NEGR1: variants seen among roughly 807,000 people sequenced by gnomAD.
The protein encoded by NEGR1 is neuronal growth regulator 1.
Under a neutral mutation model 40.9 loss-of-function variants are expected in NEGR1, and 10 were observed. The ratio of observed to expected loss-of-function variants is 0.24; its 90% confidence interval spans 0.15 to 0.42. The LOEUF is 0.42. Among genes scored for constraint, NEGR1 ranks in the 10% least tolerant of loss-of-function variants. The pLI is 1.00. For missense variants in NEGR1, 352 were observed against 438.9 expected (o/e 0.80, Z 1.77); for synonymous variants, 185 against 166.8 (o/e 1.11, Z -0.84).
In NEGR1 at chr1:72,012,801, G is replaced by T. The variant is rs1293719513; in HGVS notation, c.177-77490C>A. 2.1e-5 allele frequency among the ~76,000 whole-genome samples: 3 copies of T among 143,084 alleles called. No homozygotes were observed. In the South Asian group the frequency reaches 7.3e-4, roughly 35 times the overall value. The allele number at this position is 143,084 out of a possible 152,430, so 93.9% of individuals were successfully genotyped here. On this transcript the variant is annotated intron_variant, in intron 1 of 6. Transcript: ENST00000357731. ...TTTTGTTAACATTAGTAATGTGTGT[G>T]TGTATATATATATATACACACACAC...
chr1:71,866,862 A>C (rs796132331), intron 2 of NEGR1, among the ~76,000 whole-genome samples: 1 of 152,328 alleles, frequency 6.6e-6, no homozygotes, highest in African/African-American at 2.4e-5. Context: ...TCTACATCAA[A>C]AGCTATGAAT....
chr1:71,470,702 T>C (rs1646776753), intron 6 of NEGR1, among the ~76,000 whole-genome samples: 1 of 152,100 alleles, frequency 6.6e-6, no homozygotes, highest in Non-Finnish European at 1.5e-5. Flanking sequence ...TTAAGAAGCA[T>C]TGAACTAACA....
intron 2 of NEGR1, among the ~76,000 whole-genome samples, chr1:71,928,062 A>G (rs1285597058): frequency 1.0e-5 from 1 of 99,302 alleles, no homozygotes; most frequent in African/African-American, 4.2e-5. Flanking sequence ...ATATATATAC[A>G]CACACACATA....
intron 2 of NEGR1, among the ~76,000 whole-genome samples, chr1:71,929,383 TA>T (rs560405957): frequency 2.3e-4 from 35 of 152,300 alleles, no homozygotes; most frequent in African/African-American, 7.2e-4. Context: ...GTTTCCATGC[TA>T]AAAATATTAA....
intron 1 of NEGR1, among the ~76,000 whole-genome samples, chr1:72,110,598 C>T (rs889164763): frequency 6.6e-6 from 1 of 151,354 alleles, no homozygotes; most frequent in South Asian, 2.1e-4. Context: ...TACTATAAAC[C>T]CGAAAAAACT....
chr1:71,703,568 T>A (rs894074604), intron 3 of NEGR1, among the ~76,000 whole-genome samples: 1 of 143,884 alleles, frequency 7.0e-6, no homozygotes. Context: ...TTACAAAAAA[T>A]AAATATAATG....
chr1:71,924,149 T>G (rs1645749508), intron 2 of NEGR1, among the ~76,000 whole-genome samples: 1 of 152,176 alleles, frequency 6.6e-6, no homozygotes, highest in African/African-American at 2.4e-5. Flanking sequence ...AGTGCTGGGA[T>G]TATAGGCTAG....
At chr1:71,718,851 C>T (rs1654363650) in intron 3 of NEGR1, among the ~76,000 whole-genome samples, 1 of 152,162 alleles carries the variant, frequency 6.6e-6, no homozygotes, top group Non-Finnish European at 1.5e-5. Context: ...TTCCAGTAAA[C>T]TAGTTATCCC....
intron 1 of NEGR1, among the ~76,000 whole-genome samples, chr1:72,226,604 A>T (rs2100491590): frequency 6.6e-6 from 1 of 152,128 alleles, no homozygotes; most frequent in Admixed American, 6.6e-5. Flanking sequence ...TACATTAAAA[A>T]TTTGATTCGG....
intron 1 of NEGR1, among the ~76,000 whole-genome samples, chr1:71,965,653 T>C (rs1325156779): frequency 9.9e-5 from 15 of 152,198 alleles, no homozygotes; most frequent in Non-Finnish European, 5.9e-5. Flanking sequence ...ATATTAAATA[T>C]CTTATTGTAG....
At position 72,026,902 on chromosome 1, in the gene NEGR1, A is replaced by T. The variant is rs569396637; in HGVS notation, c.177-91591T>A. Among the ~76,000 whole-genome samples, 3 of 151,202 alleles carry T rather than the reference A, an allele frequency of 2.0e-5. No individual in the cohort carries two copies. The East Asian group carries it at 5.8e-4, about 29-fold the overall frequency. ...TCACTCCAAAGATAATAGTCTTAAGACTCATGTTTTTTTTGTTTTGTTTTG... is the reference window on the plus strand; with the variant it reads ...TCACTCCAAAGATAATAGTCTTAAGTCTCATGTTTTTTTTGTTTTGTTTTG... On this transcript the variant is annotated intron_variant, in intron 1 of 6. Transcript: ENST00000357731.
chr1:72,269,411 G>C (rs1374160904), intron 1 of NEGR1, among the ~76,000 whole-genome samples: 1 of 151,580 alleles, frequency 6.6e-6, no homozygotes, highest in African/African-American at 2.4e-5. Flanking sequence ...ACTATAACAA[G>C]GAACTACTGA....
chr1:71,582,294 G>C (rs1649166695), intron 6 of NEGR1, among the ~76,000 whole-genome samples: 2 of 152,088 alleles, frequency 1.3e-5, no homozygotes, highest in Non-Finnish European at 2.9e-5. Context: ...TTATGATGCA[G>C]AAAAGCATCT....
rs761121805 is a variant in NEGR1 at position 71,407,491 on chromosome 1, G to A, written c.1020C>T (p.Ser340=). Reference sequence around the variant, plus strand: ...TCAGGTAGAATATGCTGGTGAAAGAGGACAGTGTCAACACAAGGTACCAGC... The same window carrying A: ...TCAGGTAGAATATGCTGGTGAAAGAAGACAGTGTCAACACAAGGTACCAGC... ...FSCWYLVLTL[S]SFTSIFYLKN... The change falls in exon 7 of 7, where the codon TCC becomes TCT. Residue 340 remains serine, a synonymous_variant. Coordinates refer to ENST00000357731, the MANE Select transcript of NEGR1 (RefSeq NM_173808.3). The A allele has an allele frequency of 1.1e-5, 18 of 1,611,908 alleles. No individual in the cohort carries two copies. In the Admixed American group the frequency reaches 3.0e-4, roughly 27 times the overall value.
intron 1 of NEGR1, among the ~76,000 whole-genome samples, chr1:72,019,668 C>T (rs544575494): frequency 6.6e-6 from 1 of 152,162 alleles, no homozygotes; most frequent in Non-Finnish European, 1.5e-5. Context: ...TTTATAAAAG[C>T]TGAATAATGG....
chr1:72,011,970 C>G (rs553164276), intron 1 of NEGR1, among the ~76,000 whole-genome samples: 2 of 152,082 alleles, frequency 1.3e-5, no homozygotes, highest in South Asian at 2.1e-4. Context: ...AAGAGTCTTA[C>G]GTTTTGTTAA....
At chr1:72,240,949 C>T (rs1326911340) in intron 1 of NEGR1, among the ~76,000 whole-genome samples, 2 of 151,684 alleles carry the variant, frequency 1.3e-5, no homozygotes, top group East Asian at 3.9e-4. Context: ...AAGACACCTG[C>T]TTTTCTTCAG....
intron 1 of NEGR1, among the ~76,000 whole-genome samples, chr1:72,248,607 T>C (rs12070984): frequency 0.013 from 1,908 of 147,098 alleles, 56 homozygotes; most frequent in African/African-American, 0.046. Context: ...TTATTATTAT[T>C]ATTATTATTT....
At chr1:71,925,275 A>T (rs921033712) in intron 2 of NEGR1, among the ~76,000 whole-genome samples, 5 of 152,176 alleles carry the variant, frequency 3.3e-5, no homozygotes, top group African/African-American at 1.2e-4. Context: ...TCATGACCAC[A>T]AACTGTTTAA....
Sources: gnomAD v4.1 joint callset for allele counts (sites outside exome capture counted in the v4.1 genomes callset) on GRCh38, gnomAD v4.1.1 for gene constraint, MANE v1.5 for transcripts, NCBI Gene and HGNC (gene_info 2026-07-23, HGNC 2026-07-21) for gene names.